TUSC3: variants seen among roughly 807,000 people sequenced by gnomAD.
TUSC3 encodes tumor suppressor candidate 3.
A neutral mutation model predicts 44.8 loss-of-function variants in TUSC3; 45 were observed. The observed-to-expected ratio is 1.00, with a 90% CI of 0.79 to 1.29. TUSC3 has a LOEUF of 1.29. Ranked by LOEUF, TUSC3 falls within the 50% of genes most tolerant of loss-of-function variation. TUSC3 has a pLI of 0.00. For missense variants in TUSC3, 519 were observed against 437.9 expected (o/e 1.19, Z -1.65); for synonymous variants, 212 against 152.9 (o/e 1.39, Z -2.85).
chr8:15,437,480 T>A (rs1439830757), intron 1 of TUSC3, among the ~76,000 whole-genome samples: 1 of 152,212 alleles, frequency 6.6e-6, no homozygotes, highest in Non-Finnish European at 1.5e-5. Flanking sequence ...CTACTATTAA[T>A]ATTTGGTTTG....
chr8:15,547,260 G>A (rs988811296), intron 1 of TUSC3, among the ~76,000 whole-genome samples: 2 of 151,544 alleles, frequency 1.3e-5, no homozygotes, highest in Admixed American at 6.6e-5. Flanking sequence ...TGTGATTTTA[G>A]AAGTATAATT....
chr8:15,577,980 T>G (rs1803181881), intron 1 of TUSC3, among the ~76,000 whole-genome samples: 1 of 149,746 alleles, frequency 6.7e-6, no homozygotes, highest in Admixed American at 6.7e-5. Flanking sequence ...TGTATCCTCT[T>G]TTATTTCCTT....
At chr8:15,643,561 C>T (rs905989230) in intron 2 of TUSC3, among the ~76,000 whole-genome samples, 2 of 152,010 alleles carry the variant, frequency 1.3e-5, no homozygotes, top group African/African-American at 4.8e-5. Flanking sequence ...GAATTGTTTT[C>T]CAAGGAAAGA....
chr8:15,574,915 C>T (rs1438400814), intron 1 of TUSC3, among the ~76,000 whole-genome samples: 1 of 152,106 alleles, frequency 6.6e-6, no homozygotes, highest in East Asian at 1.9e-4. Flanking sequence ...GTGTCTCCTG[C>T]TGTGAAACTA....
chr8:15,821,095 T>C, the TUSC3 span, among the ~76,000 whole-genome samples: 1 of 152,174 alleles, frequency 6.6e-6, no homozygotes, highest in African/African-American at 2.4e-5. Context: ...AAGAAGTCTC[T>C]TAGTTTTCCC....
chr8:15,513,959 T>A (rs1015908133), intron 2 of TUSC3, among the ~76,000 whole-genome samples: 1 of 152,168 alleles, frequency 6.6e-6, no homozygotes, highest in Non-Finnish European at 1.5e-5. Flanking sequence ...CCCACCTTCA[T>A]GCTCTCAGCT....
chr8:15,753,112 G>GT (rs1345835716), intron 9 of TUSC3, among the ~76,000 whole-genome samples: 3 of 151,814 alleles, frequency 2.0e-5, no homozygotes, highest in African/African-American at 7.3e-5. Flanking sequence ...CCCTTTTTAT[G>GT]TTTTTTCTAA....
chr8:15,774,442 T>G, the TUSC3 span, among the ~76,000 whole-genome samples: 1 of 152,124 alleles, frequency 6.6e-6, no homozygotes, highest in African/African-American at 2.4e-5. Flanking sequence ...GATGGATGAT[T>G]CGCCTGACTA....
At chr8:15,638,738 C>G (rs1260476424) in intron 2 of TUSC3, among the ~76,000 whole-genome samples, 2 of 152,064 alleles carry the variant, frequency 1.3e-5, no homozygotes, top group African/African-American at 2.4e-5. Context: ...GTTGGCCAGG[C>G]TGGTCTCAAC....
the TUSC3 span, among the ~76,000 whole-genome samples, chr8:15,811,710 G>C: frequency 2.0e-5 from 3 of 152,174 alleles, no homozygotes; most frequent in Non-Finnish European, 4.4e-5. Flanking sequence ...GAAGTGAATA[G>C]GTGGCAGGAT....
intron 2 of TUSC3, among the ~76,000 whole-genome samples, chr8:15,495,648 G>C (rs935369026): frequency 9.6e-4 from 146 of 152,188 alleles, no homozygotes; most frequent in African/African-American, 3.2e-3. Flanking sequence ...GCTCCCTTTG[G>C]GGGGCAGTAT....
chr8:15,629,653 G>A (rs1275979211), intron 2 of TUSC3, among the ~76,000 whole-genome samples: 1 of 136,536 alleles, frequency 7.3e-6, no homozygotes, highest in African/African-American at 2.7e-5. Context: ...CTTTATAATT[G>A]TTTAGGATCT....
rs7000084 is a variant in TUSC3, at chr8:15,681,915, A to G, written c.798+8079A>G. Among the ~76,000 whole-genome samples, 365 of 152,138 alleles carry G rather than the reference A, an allele frequency of 2.4e-3. 2 individuals are homozygous for G. The highest frequency in any genetic ancestry group is 8.3e-3 in the African/African-American group (346 of 41,546). On this transcript the variant is annotated intron_variant, in intron 6 of 10. Coordinates refer to ENST00000503731, the MANE Select transcript of TUSC3 (RefSeq NM_006765.4). ...TTTTTGTTTTCTGTCTTAATTTGCT[A>G]TTTACCCAAAAATCATTCAGGAGCA... is the stretch of plus-strand genomic sequence containing the variant.
chr8:15,789,768 A>G, the TUSC3 span, among the ~76,000 whole-genome samples: 2 of 152,208 alleles, frequency 1.3e-5, no homozygotes, highest in Admixed American at 6.5e-5. Flanking sequence ...CAGGACAGAT[A>G]TAGACCCTGC....
At chr8:15,617,326 G>C (rs549320113) in intron 1 of TUSC3, among the ~76,000 whole-genome samples, 1 of 151,668 alleles carries the variant, frequency 6.6e-6, no homozygotes, top group Non-Finnish European at 1.5e-5. Flanking sequence ...TTTTAGTAGA[G>C]ACAGGGTTTC....
rs1276878908 is a variant in TUSC3 at position 15,764,797 on chromosome 8, T to G, written c.*641T>G. 6.6e-6 allele frequency: 1 copy of G among 152,520 alleles called. No individual in the cohort carries two copies. Among genetic ancestry groups the G allele is most frequent in the Non-Finnish European group, 1.5e-5 (1 of 68,316 alleles). 9.4% of individuals were successfully genotyped at this position (152,520 alleles called of 1,614,324 possible). On this transcript the variant is annotated 3_prime_UTR_variant, in exon 11 of 11. Transcript: ENST00000503731. ...TCTTGAGATCTAAATCTAAAGTAAA[T>G]GTGCATTAAAGCAGTGTGCTTCAAA... is the stretch of plus-strand genomic sequence containing the variant.
At chr8:15,833,017 T>C in the TUSC3 span, among the ~76,000 whole-genome samples, 5 of 151,996 alleles carry the variant, frequency 3.3e-5, no homozygotes, top group African/African-American at 4.8e-5. Flanking sequence ...CTAAAATTGA[T>C]CACATAATCG....
At chr8:15,525,103 C>A (rs958535828) in intron 2 of TUSC3, among the ~76,000 whole-genome samples, 1 of 152,208 alleles carries the variant, frequency 6.6e-6, no homozygotes, top group Non-Finnish European at 1.5e-5. Context: ...TGTAAAGGTA[C>A]AAGGAGACCA....
At chr8:15,567,537 A>G (rs986808185) in intron 1 of TUSC3, among the ~76,000 whole-genome samples, 2 of 152,178 alleles carry the variant, frequency 1.3e-5, no homozygotes, top group Admixed American at 1.3e-4. Flanking sequence ...ACAGGTCTTC[A>G]ATTGTCAATG....
Sources: gnomAD v4.1 joint callset for allele counts (sites outside exome capture counted in the v4.1 genomes callset) on GRCh38, gnomAD v4.1.1 for gene constraint, MANE v1.5 for transcripts, NCBI Gene and HGNC (gene_info 2026-07-23, HGNC 2026-07-21) for gene names.